Variants in PERP observed in about 807,000 individuals in gnomAD.
PERP encodes the protein p53 apoptosis effector related to PMP22.
PERP carries 11 observed loss-of-function variants against 20.3 expected under a neutral mutation model. The observed-to-expected ratio is 0.54, with a 90% CI of 0.34 to 0.90. The LOEUF (loss-of-function observed/expected upper bound fraction) is 0.90. Among genes scored for constraint, PERP ranks in the 40% least tolerant of loss-of-function variants. The probability of loss-of-function intolerance (pLI) is 0.02; values close to 1 mark genes in which losing one functional copy is unlikely to be tolerated. For missense variants in PERP, 224 were observed against 249.4 expected, an observed-to-expected ratio of 0.90 and a Z score of 0.69; for synonymous variants, 101 against 102.0, an observed-to-expected ratio of 0.99 and a Z score of 0.06.
rs111276070 is a variant in PERP at position 138,092,279 on chromosome 6, G to GA, written c.356-12dup. The GA allele has an allele frequency of 7.4e-4, 1,177 of 1,599,830 alleles. 17 individuals carry two copies. The African/African-American group carries it at 0.013, about 18-fold the overall frequency. ...TGATCTGGAACACAGCTAAAGGGAA[G>GA]AAAAAAATCCCAGGGTATGAATGCA... is the stretch of plus-strand genomic sequence containing the variant. On this transcript the variant is annotated splice_polypyrimidine_tract_variant and intron_variant, in intron 2 of 2. Coordinates refer to ENST00000421351, the MANE Select transcript of PERP (RefSeq NM_022121.5).
At chr6:138,103,098 C>CAA (rs10651274) in intron 1 of PERP, among the ~76,000 whole-genome samples, 50,614 of 146,694 alleles carry the variant, frequency 0.35, 8,836 homozygotes, top group South Asian at 0.48. Context: ...GACTCCGTCT[C>CAA]AAAAAAAAAA....
Position 138,089,482 on chromosome 6 carries a change from G to A in PERP, c.*2560C>T, listed in dbSNP as rs1775544804. The A allele has an allele frequency of 6.6e-6, 1 of 152,166 alleles. No individual in the cohort carries two copies. The highest frequency in any genetic ancestry group is 2.4e-5 in the African/African-American group (1 of 41,414). The allele number at this position is 152,166 out of a possible 1,614,324, so 9.4% of individuals were successfully genotyped here. On this transcript the variant is annotated 3_prime_UTR_variant, in exon 3 of 3. Transcript: ENST00000421351. ...ATCAGCAGTAAGTGCCACTTAGCAT[G>A]TCTGGCTACTTACAGAGTGAAATAA...
rs757125265 is a variant in PERP, at chr6:138,107,382, G to C, written c.-42C>G. 5 of 1,432,276 alleles carry C rather than the reference G, an allele frequency of 3.5e-6. No individual in the cohort carries two copies. The East Asian group carries it at 1.3e-4, about 38-fold the overall frequency. 88.7% of individuals were successfully genotyped at this position (1,432,276 alleles called of 1,614,324 possible). ...GGGCCGAGCGGAGCGGAGCGGAGCG[G>C]GTCGGAGGAGCGCGCGGGACGGGCG... On this transcript the variant is annotated 5_prime_UTR_variant, in exon 1 of 3. Coordinates refer to ENST00000421351, the MANE Select transcript of PERP (RefSeq NM_022121.5). The surrounding 1 kb of genome is among the most constrained non-coding windows in gnomAD (Gnocchi z 4.8).
At chr6:138,099,737 T>C (rs1159210240) in intron 1 of PERP, among the ~76,000 whole-genome samples, 1 of 152,194 alleles carries the variant, frequency 6.6e-6, no homozygotes, top group Non-Finnish European at 1.5e-5. Context: ...ATAGCTGAAG[T>C]ATAATTTATG....
At position 138,096,345 on chromosome 6, in the gene PERP, C is replaced by G. The variant is rs1775691773; in HGVS notation, c.355+9G>C. The G allele has an allele frequency of 1.9e-6, 3 of 1,613,402 alleles. No individual in the cohort carries two copies. The highest frequency in any genetic ancestry group is 1.3e-5 in the African/African-American group (1 of 74,878). ...GCATAAATGAAGAATTGCTGACACA[C>G]AGTCTTACCAGCCAAGGCAAGGAGA... is the stretch of plus-strand genomic sequence containing the variant. On this transcript the variant is annotated intron_variant, in intron 2 of 2. Coordinates refer to ENST00000421351, the MANE Select transcript of PERP (RefSeq NM_022121.5).
At chr6:138,106,117 T>C (rs765972112) in intron 1 of PERP, among the ~76,000 whole-genome samples, 25 of 152,148 alleles carry the variant, frequency 1.6e-4, no homozygotes, top group Non-Finnish European at 4.4e-5. Flanking sequence ...ATGGTAATAG[T>C]AAGAAATGAA....
At position 138,088,579 on chromosome 6, in the gene PERP, A is replaced by C. The variant is rs1775529037; in HGVS notation, c.*3463T>G. On this transcript the variant is annotated 3_prime_UTR_variant, in exon 3 of 3. Transcript: ENST00000421351. Reference sequence around the variant, plus strand: ...TTAACAACGAAGCACAGGATAGTACAAGTGGAAGATCATTAACATGACTGG... The same window carrying C: ...TTAACAACGAAGCACAGGATAGTACCAGTGGAAGATCATTAACATGACTGG... 6.6e-6 allele frequency: 1 copy of C among 152,224 alleles called. No individual in the cohort carries two copies. Among genetic ancestry groups the C allele is most frequent in the Non-Finnish European group, 1.5e-5 (1 of 68,042 alleles). 9.4% of individuals were successfully genotyped at this position (152,224 alleles called of 1,614,324 possible). A position where few individuals can be genotyped will look rare whatever the true frequency, so the allele number is the denominator to read the frequency against.
chr6:138,100,030 C>CT (rs2114339363), intron 1 of PERP, among the ~76,000 whole-genome samples: 1 of 152,314 alleles, frequency 6.6e-6, no homozygotes, highest in African/African-American at 2.4e-5. Context: ...AATCACTTAA[C>CT]TATCATTTAA....
chr6:138,101,487 C>T (rs538209036), intron 1 of PERP, among the ~76,000 whole-genome samples: 6 of 152,196 alleles, frequency 3.9e-5, no homozygotes, highest in South Asian at 2.1e-4. Context: ...ACTTTGGAGA[C>T]GATCACTAAG....
Position 138,092,276 on chromosome 6 carries a change from G to A in PERP, c.356-8C>T, listed in dbSNP as rs752072095. On this transcript the variant is annotated splice_polypyrimidine_tract_variant and splice_region_variant and intron_variant, in intron 2 of 2. Transcript: ENST00000421351. ...AGATGATCTGGAACACAGCTAAAGG[G>A]AAGAAAAAAATCCCAGGGTATGAAT... The A allele has an allele frequency of 1.2e-6, 2 of 1,604,940 alleles. No individual in the cohort carries two copies. Among genetic ancestry groups the A allele is most frequent in the Non-Finnish European group, 8.5e-7 (1 of 1,173,228 alleles).
chr6:138,090,475 C>T lies in PERP; in HGVS notation c.*1567G>A, dbSNP rs1362328852. ...TTCAGCTACACTGCACACATGTCCC[C>T]CGGGTGTCTGAACCTGCCAGAAATC... On this transcript the variant is annotated 3_prime_UTR_variant, in exon 3 of 3. Coordinates refer to ENST00000421351, the MANE Select transcript of PERP (RefSeq NM_022121.5). 1 of 152,162 alleles carries T rather than the reference C, an allele frequency of 6.6e-6. No homozygotes were observed. The highest frequency in any genetic ancestry group is 2.4e-5 in the African/African-American group (1 of 41,430). The allele number at this position is 152,162 out of a possible 1,614,324, so 9.4% of individuals were successfully genotyped here. A position where few individuals can be genotyped will look rare whatever the true frequency, so the allele number is the denominator to read the frequency against.
chr6:138,088,862 ATTATT>A lies in PERP; in HGVS notation c.*3175_*3179del, dbSNP rs1489434048. The A allele has an allele frequency of 6.6e-6, 1 of 152,164 alleles. No homozygotes were observed. Among genetic ancestry groups the A allele is most frequent in the African/African-American group, 2.4e-5 (1 of 41,430 alleles). 9.4% of individuals were successfully genotyped at this position (152,164 alleles called of 1,614,324 possible). On this transcript the variant is annotated 3_prime_UTR_variant, in exon 3 of 3. Coordinates refer to ENST00000421351, the MANE Select transcript of PERP (RefSeq NM_022121.5). ...TTAAATCTGAAACCACACTACAGAA[ATTATT>A]TTATATATTACTTATTTTTAAAACT...
intron 2 of PERP, among the ~76,000 whole-genome samples, chr6:138,094,908 AT>A (rs1312031590): frequency 6.6e-6 from 1 of 152,042 alleles, no homozygotes; most frequent in Non-Finnish European, 1.5e-5. Flanking sequence ...TTTAGTAGAG[AT>A]GGGGTTTCAC....
intron 1 of PERP, among the ~76,000 whole-genome samples, chr6:138,097,890 C>A (rs148122175): frequency 2.4e-4 from 36 of 152,274 alleles, no homozygotes; most frequent in Admixed American, 1.3e-3. Context: ...TGCCCATTAG[C>A]AGTCACCCTC....
At chr6:138,098,361 C>T (rs1775727503) in intron 1 of PERP, among the ~76,000 whole-genome samples, 1 of 152,078 alleles carries the variant, frequency 6.6e-6, no homozygotes, top group African/African-American at 2.4e-5. Flanking sequence ...TGCTGGACCT[C>T]GTTTGGACCC....
At position 138,096,429 on chromosome 6, in the gene PERP, G is replaced by A; in HGVS notation, c.280C>T (p.Leu94Phe). 6.2e-7 allele frequency: 1 copy of A among 1,614,040 alleles called. No individual in the cohort carries two copies. Among genetic ancestry groups the A allele is most frequent in the Admixed American group, 1.7e-5 (1 of 60,004 alleles). Residue 94 changes from leucine (L) to phenylalanine (F), a missense_variant, in exon 2 of 3, where the codon CTC (leucine) becomes TTC (phenylalanine). Leu to Phe is a conservative substitution (Grantham distance 22). Transcript: ENST00000421351. ...GGTCCACAGAGGGCGAAGAAGGAGA[G>A]GATGAAACAGATCACCAGGATGATG... is the stretch of plus-strand genomic sequence containing the variant. The part of the protein sequence containing the change: ...GFIILVICFI[L>F]SFFALCGPQM...
intron 1 of PERP, among the ~76,000 whole-genome samples, chr6:138,100,433 A>G (rs1775753391): frequency 6.6e-6 from 1 of 152,206 alleles, no homozygotes; most frequent in East Asian, 1.9e-4. Flanking sequence ...TCCTAAAGCT[A>G]CATCTTTCAT....
rs1775570199 is a variant in PERP at position 138,090,984 on chromosome 6, G to C, written c.*1058C>G. On this transcript the variant is annotated 3_prime_UTR_variant, in exon 3 of 3. Transcript: ENST00000421351. ...GAAACTCAAATCCCCGAATTCTCCT[G>C]TGGCATGTTTTATATCAGACATTTA... 1.3e-5 allele frequency: 2 copies of C among 152,602 alleles called. No individual in the cohort carries two copies. 9.5% of individuals were successfully genotyped at this position (152,602 alleles called of 1,614,324 possible).
chr6:138,104,631 T>C (rs1213009499), intron 1 of PERP, among the ~76,000 whole-genome samples: 1 of 152,238 alleles, frequency 6.6e-6, no homozygotes, highest in East Asian at 1.9e-4. Context: ...AACAAGATTT[T>C]CTTAATAGTT....
Sources: allele counts gnomAD v4.1 joint callset (sites outside exome capture counted in the v4.1 genomes callset), GRCh38; gene constraint gnomAD v4.1.1; non-coding constraint Gnocchi (gnomAD v3.1); transcripts MANE v1.5; gene names NCBI Gene and HGNC (gene_info 2026-07-23, HGNC 2026-07-21).